The following EPHB2 variants were observed in gnomAD, a reference collection of about 807,000 sequenced individuals.
The protein encoded by EPHB2 is ephrin type-B receptor 2.
In EPHB2, 18 loss-of-function variants were observed where a neutral mutation model predicts 96.4. The observed-to-expected ratio is 0.19, with a 90% CI of 0.13 to 0.28. The LOEUF is 0.28. EPHB2 is among the 10% of genes least tolerant of loss of function. EPHB2 has a pLI of 1.00. For missense variants in EPHB2, 989 were observed against 1,355.4 expected (o/e 0.73, Z 4.25); for synonymous variants, 506 against 534.1 (o/e 0.95, Z 0.72).
intron 3 of EPHB2, among the ~76,000 whole-genome samples, chr1:22,815,662 A>C (rs1557691771): frequency 6.6e-6 from 1 of 152,380 alleles, no homozygotes; most frequent in South Asian, 2.1e-4. Context: ...TTTTGGAAGC[A>C]ATTTGTCAGT....
At chr1:22,721,450 C>T (rs980262962) in intron 1 of EPHB2, among the ~76,000 whole-genome samples, 2 of 152,064 alleles carry the variant, frequency 1.3e-5, no homozygotes, top group Non-Finnish European at 2.9e-5. Flanking sequence ...AGCTGGCCTG[C>T]GTTGTGAATG....
chr1:22,871,424 C>A (rs947716486), intron 5 of EPHB2, among the ~76,000 whole-genome samples: 1 of 152,176 alleles, frequency 6.6e-6, no homozygotes, highest in Non-Finnish European at 1.5e-5. Context: ...GGCATCAGAG[C>A]GGGGCCTGAC....
At chr1:22,795,073 C>T (rs1223952369) in intron 3 of EPHB2, among the ~76,000 whole-genome samples, 1 of 152,194 alleles carries the variant, frequency 6.6e-6, no homozygotes, top group Admixed American at 6.5e-5. Context: ...CTGGCCTCAC[C>T]CCACCCTGTT....
intron 1 of EPHB2, among the ~76,000 whole-genome samples, chr1:22,778,621 C>G (rs1183949873): frequency 1.3e-5 from 2 of 152,212 alleles, no homozygotes; most frequent in African/African-American, 4.8e-5. Flanking sequence ...CCTCTACCTC[C>G]TCCCAAGGGG....
At chr1:22,825,816 A>G (rs1371019455) in intron 3 of EPHB2, among the ~76,000 whole-genome samples, 1 of 152,190 alleles carries the variant, frequency 6.6e-6, no homozygotes, top group East Asian at 1.9e-4. Flanking sequence ...CCAAATCAAC[A>G]TGTCTGCCCC....
At chr1:22,718,678 G>A (rs373094308) in intron 1 of EPHB2, among the ~76,000 whole-genome samples, 1 of 152,118 alleles carries the variant, frequency 6.6e-6, no homozygotes, top group Non-Finnish European at 1.5e-5. Flanking sequence ...GTGAGCCACC[G>A]CGCCCAGCAG....
chr1:22,913,295 C>A lies in EPHB2; in HGVS notation c.2853-167C>A. On this transcript the variant is annotated intron_variant, in intron 15 of 15. Coordinates refer to ENST00000374630, the MANE Select transcript of EPHB2 (RefSeq NM_017449.5). This position sits in a 1 kb window ranked among gnomAD's most constrained non-coding sequence, Gnocchi z 4.1. ...GACTCAAGTGCTCTTCCACCTCACA[C>A]CATAGTCGCTCCCTCCAGCTGTGGC... 1.2e-6 allele frequency: 1 copy of A among 833,522 alleles called. No individual in the cohort carries two copies. Among genetic ancestry groups the A allele is most frequent in the Non-Finnish European group, 1.9e-6 (1 of 513,438 alleles). 51.6% of individuals were successfully genotyped at this position (833,522 alleles called of 1,614,324 possible). A position where few individuals can be genotyped will look rare whatever the true frequency, so the allele number is the denominator to read the frequency against.
intron 5 of EPHB2, among the ~76,000 whole-genome samples, chr1:22,881,146 A>AC (rs1211076858): frequency 2.6e-5 from 4 of 152,096 alleles, no homozygotes; most frequent in Admixed American, 2.6e-4. Flanking sequence ...CATGCCTATA[A>AC]CCCCAGCACT....
intron 6 of EPHB2, among the ~76,000 whole-genome samples, chr1:22,886,620 CTTT>C (rs869229952): frequency 1.0e-3 from 96 of 96,124 alleles, no homozygotes; most frequent in African/African-American, 3.7e-3. Context: ...CCAGCAGAGT[CTTT>C]TTTTTTTTTT....
At chr1:22,764,212 A>G (rs1466588937) in intron 1 of EPHB2, among the ~76,000 whole-genome samples, 2 of 152,206 alleles carry the variant, frequency 1.3e-5, no homozygotes. Flanking sequence ...TGTTGATAAT[A>G]ACAATATCAT....
At chr1:22,802,542 A>AC (rs1407221411) in intron 3 of EPHB2, among the ~76,000 whole-genome samples, 1 of 151,954 alleles carries the variant, frequency 6.6e-6, no homozygotes, top group Non-Finnish European at 1.5e-5. Context: ...CATGAAAGTT[A>AC]CCCTTCTGGT....
intron 1 of EPHB2, among the ~76,000 whole-genome samples, chr1:22,762,146 G>A (rs906637359): frequency 1.3e-5 from 2 of 152,226 alleles, no homozygotes; most frequent in Non-Finnish European, 2.9e-5. Context: ...TGAGGCGAAC[G>A]TCTCCTGGTG....
intron 6 of EPHB2, among the ~76,000 whole-genome samples, chr1:22,887,035 G>A (rs1214639335): frequency 1.3e-5 from 2 of 152,162 alleles, no homozygotes; most frequent in African/African-American, 2.4e-5. Flanking sequence ...ATTTGTAGGT[G>A]TGGTGCTTAC....
chr1:22,826,016 T>C (rs1645217792), intron 3 of EPHB2, among the ~76,000 whole-genome samples: 1 of 152,132 alleles, frequency 6.6e-6, no homozygotes, highest in South Asian at 2.1e-4. Flanking sequence ...AGGAGGCCCC[T>C]GCTGAGGCTG....
At chr1:22,744,842 G>A (rs571198669) in intron 1 of EPHB2, among the ~76,000 whole-genome samples, 1 of 151,828 alleles carries the variant, frequency 6.6e-6, no homozygotes, top group African/African-American at 2.4e-5. Context: ...GACAGAGTGA[G>A]ACTGTGTCTC....
chr1:22,909,620 A>G, intron 13 of EPHB2, among the ~76,000 whole-genome samples: 1 of 152,218 alleles, frequency 6.6e-6, no homozygotes, highest in East Asian at 1.9e-4. Context: ...TCGCAGGACA[A>G]GTGGGGTTCG....
At chr1:22,742,370 G>A (rs1036626943) in intron 1 of EPHB2, among the ~76,000 whole-genome samples, 1 of 152,096 alleles carries the variant, frequency 6.6e-6, no homozygotes, top group African/African-American at 2.4e-5. Flanking sequence ...TGGGGGCAGG[G>A]GCAAAGCTGA....
intron 3 of EPHB2, among the ~76,000 whole-genome samples, chr1:22,861,436 A>G (rs1200090238): frequency 6.6e-6 from 1 of 152,148 alleles, no homozygotes; most frequent in Non-Finnish European, 1.5e-5. Context: ...CCAGGAGTTC[A>G]AGACCAGCCT....
intron 1 of EPHB2, among the ~76,000 whole-genome samples, chr1:22,711,971 T>G (rs1224636763): frequency 4.6e-5 from 7 of 152,236 alleles, no homozygotes; most frequent in Non-Finnish European, 1.0e-4. Flanking sequence ...TGGCCGAGCT[T>G]GCAGGGCAAG....
Sources: gnomAD v4.1 joint callset for allele counts (sites outside exome capture counted in the v4.1 genomes callset) on GRCh38, gnomAD v4.1.1 for gene constraint, Gnocchi (gnomAD v3.1) non-coding constraint, MANE v1.5 for transcripts, NCBI Gene and HGNC (gene_info 2026-07-23, HGNC 2026-07-21) for gene names.